The following GPC5 variants were observed in gnomAD, a reference collection of about 807,000 sequenced individuals.
GPC5 encodes the protein glypican 5, also known as glypican-5.
Under a neutral mutation model 53.9 loss-of-function variants are expected in GPC5, and 47 were observed. That is an observed-to-expected ratio of 0.87 (90% CI 0.69 to 1.11). The LOEUF (loss-of-function observed/expected upper bound fraction) is 1.11. Among genes scored for constraint, GPC5 ranks in the 50% most tolerant of loss-of-function variants. GPC5 has a pLI of 0.00. For missense variants in GPC5, 748 were observed against 713.1 expected (o/e 1.05, Z -0.56); for synonymous variants, 286 against 263.3 (o/e 1.09, Z -0.84).
Position 91,827,715 on chromosome 13 carries a change from G to A in GPC5, c.1280+71295G>A, listed in dbSNP as rs145885768. Among the ~76,000 whole-genome samples the A allele has an allele frequency of 2.3e-3, 353 of 152,124 alleles. 3 individuals carry two copies. The East Asian group carries it at 0.034, about 15-fold the overall frequency. Reference sequence around the variant, plus strand: ...AGACTTAAACTGTTTCTTGCTGAGCGTATAGAATAACTCCTATACTGATTG... The same window carrying A: ...AGACTTAAACTGTTTCTTGCTGAGCATATAGAATAACTCCTATACTGATTG... On this transcript the variant is annotated intron_variant, in intron 5 of 7. Transcript: ENST00000377067.
chr13:91,820,228 A>G (rs1179399905), intron 5 of GPC5, among the ~76,000 whole-genome samples: 1 of 152,092 alleles, frequency 6.6e-6, no homozygotes, highest in African/African-American at 2.4e-5. Context: ...CTAATTGTCA[A>G]TATTTATATA....
chr13:91,428,980 C>G (rs1470261875), intron 1 of GPC5, among the ~76,000 whole-genome samples: 1 of 152,124 alleles, frequency 6.6e-6, no homozygotes. Context: ...AGTGCAGTGG[C>G]ATGATCTTGG....
rs1033432909 is a variant in GPC5 at position 92,551,161 on chromosome 13, T to A, written c.1562-315121T>A. On this transcript the variant is annotated intron_variant, in intron 7 of 7. Coordinates refer to ENST00000377067, the MANE Select transcript of GPC5 (RefSeq NM_004466.6). ...AAACAGAGATAATTTCTTTACATTA[T>A]GAAACCAAAAGATTGCAGAATTGAA... Among the ~76,000 whole-genome samples, 6 of 151,954 alleles carry A rather than the reference T, an allele frequency of 3.9e-5. No individual in the cohort carries two copies. The East Asian group carries it at 1.2e-3, about 29-fold the overall frequency.
At chr13:92,653,999 T>A (rs761576843) in intron 7 of GPC5, among the ~76,000 whole-genome samples, 1 of 152,238 alleles carries the variant, frequency 6.6e-6, no homozygotes, top group Non-Finnish European at 1.5e-5. Context: ...CTTTTATCCT[T>A]CTGTGTCCCA....
At chr13:91,750,133 G>T (rs961397655) in intron 4 of GPC5, among the ~76,000 whole-genome samples, 1 of 152,072 alleles carries the variant, frequency 6.6e-6, no homozygotes, top group South Asian at 2.1e-4. Flanking sequence ...TTCTAATGTT[G>T]ATTCTGCATT....
intron 5 of GPC5, among the ~76,000 whole-genome samples, chr13:91,895,617 T>A (rs2039432975): frequency 6.6e-6 from 1 of 152,082 alleles, no homozygotes; most frequent in African/African-American, 2.4e-5. Context: ...TGTCAGGTTT[T>A]ATCTTTTTCT....
chr13:92,173,301 C>T (rs182293480), intron 7 of GPC5, among the ~76,000 whole-genome samples: 17 of 152,176 alleles, frequency 1.1e-4, no homozygotes, highest in African/African-American at 2.4e-4. Flanking sequence ...GATGCTTTTC[C>T]GCTTAGGTGT....
chr13:92,811,072 T>C (rs185166006), intron 7 of GPC5, among the ~76,000 whole-genome samples: 7 of 151,960 alleles, frequency 4.6e-5, no homozygotes, highest in Admixed American at 6.6e-5. Flanking sequence ...TTCCTTCTTA[T>C]GGCTAAATAA....
chr13:92,605,175 C>A (rs1884210612), intron 7 of GPC5, among the ~76,000 whole-genome samples: 1 of 152,076 alleles, frequency 6.6e-6, no homozygotes, highest in Admixed American at 6.6e-5. Context: ...CAATTAATTG[C>A]CTAGTTTAAG....
chr13:91,865,699 C>G (rs2039076009), intron 5 of GPC5, among the ~76,000 whole-genome samples: 1 of 151,734 alleles, frequency 6.6e-6, no homozygotes, highest in Non-Finnish European at 1.5e-5. Context: ...TTTGCTTTTC[C>G]TCTTCCTTCT....
intron 7 of GPC5, among the ~76,000 whole-genome samples, chr13:92,284,325 G>A (rs1306338793): frequency 2.6e-5 from 4 of 152,170 alleles, no homozygotes; most frequent in Non-Finnish European, 4.4e-5. Flanking sequence ...GGAGGAGCTG[G>A]TTCCATTCCT....
chr13:91,670,550 T>C (rs2035220508), intron 2 of GPC5, among the ~76,000 whole-genome samples: 1 of 152,150 alleles, frequency 6.6e-6, no homozygotes, highest in African/African-American at 2.4e-5. Context: ...GAAAACAATA[T>C]ATTCTTTCTA....
intron 7 of GPC5, among the ~76,000 whole-genome samples, chr13:92,570,000 C>T (rs1882975531): frequency 6.6e-6 from 1 of 152,108 alleles, no homozygotes; most frequent in Non-Finnish European, 1.5e-5. Flanking sequence ...AAATTGGACT[C>T]CATTTCAGCA....
At chr13:92,628,771 G>C (rs1885141129) in intron 7 of GPC5, among the ~76,000 whole-genome samples, 1 of 152,066 alleles carries the variant, frequency 6.6e-6, no homozygotes, top group African/African-American at 2.4e-5. Flanking sequence ...CATTGGCCTG[G>C]CTGACATTGG....
chr13:92,749,905 A>G lies in GPC5; in HGVS notation c.1562-116377A>G, dbSNP rs564626960. ...AATTAGAGGGCAAACTTCTCTGCAC[A>G]CTAAAATCAATGGGAATGTTATAGT... On this transcript the variant is annotated intron_variant, in intron 7 of 7. Transcript: ENST00000377067. 7.9e-5 allele frequency among the ~76,000 whole-genome samples: 12 copies of G among 152,322 alleles called. No homozygotes were observed. In the South Asian group the frequency reaches 2.3e-3, roughly 29 times the overall value.
At chr13:91,800,696 G>A (rs1314380871) in intron 5 of GPC5, among the ~76,000 whole-genome samples, 1 of 152,034 alleles carries the variant, frequency 6.6e-6, no homozygotes, top group Admixed American at 6.6e-5. Context: ...AGCAGATTGT[G>A]CAATTTTTCT....
intron 6 of GPC5, among the ~76,000 whole-genome samples, chr13:91,982,491 A>G (rs1294914064): frequency 6.6e-6 from 1 of 152,196 alleles, no homozygotes; most frequent in East Asian, 1.9e-4. Context: ...GTGAAAAAAA[A>G]AAGCAAAAAG....
chr13:91,525,196 CT>C (rs1366709604), intron 2 of GPC5, among the ~76,000 whole-genome samples: 5 of 152,102 alleles, frequency 3.3e-5, no homozygotes, highest in Non-Finnish European at 7.4e-5. Context: ...AGGAATCTTA[CT>C]TTTCCCCCCA....
intron 7 of GPC5, among the ~76,000 whole-genome samples, chr13:92,692,578 C>T (rs1227988339): frequency 6.7e-6 from 1 of 150,138 alleles, no homozygotes; most frequent in Non-Finnish European, 1.5e-5. Flanking sequence ...ATACCTAATG[C>T]TAGATGATGA....
Sources: allele counts gnomAD v4.1 joint callset (sites outside exome capture counted in the v4.1 genomes callset), GRCh38; gene constraint gnomAD v4.1.1; transcripts MANE v1.5; gene names NCBI Gene and HGNC (gene_info 2026-07-23, HGNC 2026-07-21).